The following EIF2B3 variants were observed in gnomAD, a reference collection of about 807,000 sequenced individuals.
The protein encoded by EIF2B3 is translation initiation factor eIF2B subunit gamma.
Under a neutral mutation model 54.1 loss-of-function variants are expected in EIF2B3, and 20 were observed. The ratio of observed to expected loss-of-function variants is 0.37; its 90% CI spans 0.26 to 0.54. The LOEUF is 0.54. Ranked by LOEUF, EIF2B3 falls within the 20% of genes least tolerant of loss-of-function variation. EIF2B3 has a pLI of 0.86. For missense variants in EIF2B3, 448 were observed against 547.8 expected, an observed-to-expected ratio of 0.82 and a Z score of 1.82; for synonymous variants, 153 against 188.1, an observed-to-expected ratio of 0.81 and a Z score of 1.52.
chr1:44,965,629 T>C (rs563443290), intron 3 of EIF2B3, among the ~76,000 whole-genome samples: 62 of 145,438 alleles, frequency 4.3e-4, no homozygotes, highest in Non-Finnish European at 5.5e-4. Context: ...GATGCACAAA[T>C]GCATCTTTTT....
chr1:44,859,131 T>A (rs558991853), intron 10 of EIF2B3, among the ~76,000 whole-genome samples: 1 of 149,100 alleles, frequency 6.7e-6, no homozygotes, highest in Non-Finnish European at 1.5e-5. Context: ...AGACTCTTTA[T>A]CTCTACACAA....
At chr1:44,870,245 T>G (rs1280601040) in intron 10 of EIF2B3, among the ~76,000 whole-genome samples, 1 of 151,880 alleles carries the variant, frequency 6.6e-6, no homozygotes, top group African/African-American at 2.4e-5. Context: ...AGACAAAGAC[T>G]TTATCTCTGG....
intron 3 of EIF2B3, among the ~76,000 whole-genome samples, chr1:44,954,097 A>G (rs1644197434): frequency 6.6e-6 from 1 of 152,228 alleles, no homozygotes; most frequent in African/African-American, 2.4e-5. Context: ...TAATGCTAGA[A>G]GCCAAAATTA....
At position 44,881,334 on chromosome 1, in the gene EIF2B3, G is replaced by A. The variant is rs1024406801; in HGVS notation, c.784+278C>T. Among the ~76,000 whole-genome samples, 1 of 152,200 alleles carries A rather than the reference G, an allele frequency of 6.6e-6. No individual in the cohort carries two copies. The highest frequency in any genetic ancestry group is 1.5e-5 in the Non-Finnish European group (1 of 68,030). On this transcript the variant is annotated intron_variant, in intron 7 of 11. Coordinates refer to ENST00000360403, the MANE Select transcript of EIF2B3 (RefSeq NM_020365.5). This position sits in a 1 kb window ranked among gnomAD's most constrained non-coding sequence, Gnocchi z 4.0. ...TAAGAAGTGGCAGGTGGAGTTTAAA[G>A]GCAAAATGGTCTAGTGAGGAACACA...
chr1:44,899,516 C>T (rs554898762), intron 5 of EIF2B3, among the ~76,000 whole-genome samples: 1 of 152,148 alleles, frequency 6.6e-6, no homozygotes, highest in African/African-American at 2.4e-5. Flanking sequence ...GGGCAAAGGA[C>T]ATAAACAGAC....
At chr1:44,946,356 G>C (rs759779471) in intron 3 of EIF2B3, among the ~76,000 whole-genome samples, 2 of 152,086 alleles carry the variant, frequency 1.3e-5, no homozygotes, top group African/African-American at 2.4e-5. Context: ...CCAAAGGAAA[G>C]TGTTTGTTGT....
chr1:44,942,412 T>TACAC (rs1557697079), intron 3 of EIF2B3, among the ~76,000 whole-genome samples: 2 of 19,628 alleles, frequency 1.0e-4, no homozygotes, highest in Non-Finnish European at 1.9e-4. Flanking sequence ...TATATATATA[T>TACAC]ATATATTTTT....
intron 3 of EIF2B3, among the ~76,000 whole-genome samples, chr1:44,953,674 T>A (rs1359875372): frequency 6.6e-6 from 1 of 152,182 alleles, no homozygotes; most frequent in Non-Finnish European, 1.5e-5. Context: ...GTGCCTGTAG[T>A]CCCAGCTACC....
intron 10 of EIF2B3, among the ~76,000 whole-genome samples, 171 bp from the exon 11 acceptor site, chr1:44,857,978 C>A (rs1044011592): frequency 1.3e-5 from 2 of 152,012 alleles, no homozygotes; most frequent in African/African-American, 4.8e-5. Flanking sequence ...CAAGGGAGGA[C>A]CTGGCTTCAG....
In EIF2B3 at chr1:44,940,385, G is replaced by A. The variant is rs662660; in HGVS notation, c.454+1121C>T. On this transcript the variant is annotated intron_variant, in intron 4 of 11. Coordinates refer to ENST00000360403, the MANE Select transcript of EIF2B3 (RefSeq NM_020365.5). ...TTCAGGAAAATTTAAACCCATAAAA[G>A]GACTACTAGAATCCTAGGAAAATAA... is the stretch of plus-strand genomic sequence containing the variant. Among the ~76,000 whole-genome samples, 1,031 of 152,098 alleles carry A rather than the reference G, an allele frequency of 6.8e-3. 13 individuals carry two copies. The highest frequency in any genetic ancestry group is 0.024 in the African/African-American group (979 of 41,494).
chr1:44,921,186 A>C (rs190188375), intron 5 of EIF2B3, among the ~76,000 whole-genome samples: 1 of 152,232 alleles, frequency 6.6e-6, no homozygotes, highest in East Asian at 1.9e-4. Flanking sequence ...TATTTGTATG[A>C]CTTCTTTTGA....
intron 3 of EIF2B3, among the ~76,000 whole-genome samples, chr1:44,973,683 G>T (rs944960815): frequency 1.3e-5 from 2 of 151,992 alleles, no homozygotes; most frequent in African/African-American, 4.8e-5. Flanking sequence ...CAGCCAGGGT[G>T]ATAGAGTGAG....
rs368109884 is a variant in EIF2B3 at position 44,958,093 on chromosome 1, T to C, written c.295-16428A>G. Among the ~76,000 whole-genome samples the C allele has an allele frequency of 1.3e-4, 20 of 152,282 alleles. No homozygotes were observed. In the East Asian group the frequency reaches 2.9e-3, roughly 22 times the overall value. On this transcript the variant is annotated intron_variant, in intron 3 of 11. Coordinates refer to ENST00000360403, the MANE Select transcript of EIF2B3 (RefSeq NM_020365.5). ...TGAGTAAAATATGTACAATGACTTT[T>C]TTTCCTTTCCATTTTGGTGGGCCGG...
rs919877070 is a variant in EIF2B3, at chr1:44,852,114, AATTTTT to A, written c.1307-1117_1307-1112del. 3.4e-5 allele frequency among the ~76,000 whole-genome samples: 5 copies of A among 146,330 alleles called. No individual in the cohort carries two copies. In the East Asian group the frequency reaches 1.1e-3, roughly 31 times the overall value. On this transcript the variant is annotated intron_variant, in intron 11 of 11. Transcript: ENST00000360403. ...CAGGCATATGACGCCACACATGGCT[AATTTTT>A]TTTTTTTTTTTTTTTGTATTTTTAG...
chr1:44,901,413 G>A (rs2148916894), intron 5 of EIF2B3, among the ~76,000 whole-genome samples: 1 of 152,058 alleles, frequency 6.6e-6, no homozygotes, highest in South Asian at 2.1e-4. Flanking sequence ...ACTGCGCCCA[G>A]TCCCTTTAAG....
intron 5 of EIF2B3, among the ~76,000 whole-genome samples, chr1:44,913,654 G>A (rs548137146): frequency 3.3e-5 from 5 of 151,782 alleles, no homozygotes; most frequent in South Asian, 2.1e-4. Flanking sequence ...ACAGGCACGC[G>A]TCACCATGCC....
chr1:44,941,243 A>G (rs1644017979), intron 4 of EIF2B3, among the ~76,000 whole-genome samples: 1 of 152,218 alleles, frequency 6.6e-6, no homozygotes, highest in South Asian at 2.1e-4. Flanking sequence ...AGATATACGT[A>G]TTCAATTATT....
At chr1:44,933,408 C>G (rs938917927) in intron 4 of EIF2B3, among the ~76,000 whole-genome samples, 2 of 151,932 alleles carry the variant, frequency 1.3e-5, no homozygotes, top group Non-Finnish European at 2.9e-5. Flanking sequence ...TCTTTACATT[C>G]TATAGTAAGA....
intron 3 of EIF2B3, among the ~76,000 whole-genome samples, chr1:44,962,293 A>G (rs1388415510): frequency 6.6e-6 from 1 of 151,922 alleles, no homozygotes; most frequent in Non-Finnish European, 1.5e-5. Context: ...CATGTCAGTA[A>G]ACTTAGGGCT....
Sources: allele counts gnomAD v4.1 joint callset (sites outside exome capture counted in the v4.1 genomes callset), GRCh38; gene constraint gnomAD v4.1.1; non-coding constraint Gnocchi (gnomAD v3.1); transcripts MANE v1.5; gene names NCBI Gene and HGNC (gene_info 2026-07-23, HGNC 2026-07-21).